Variants in NNT observed in about 807,000 individuals in gnomAD.
NNT encodes the protein NAD(P) transhydrogenase, mitochondrial.
NNT carries 50 observed loss-of-function variants against 104.8 expected under a neutral mutation model. The observed-to-expected ratio is 0.48, with a 90% CI of 0.38 to 0.60. The LOEUF (loss-of-function observed/expected upper bound fraction) is 0.60. Ranked by LOEUF, NNT falls within the 20% of genes least tolerant of loss-of-function variation. The probability of loss-of-function intolerance (pLI) is 0.00; values close to 1 mark genes in which losing one functional copy is unlikely to be tolerated. For missense variants in NNT, 1,131 were observed against 1,330.7 expected (o/e 0.85, Z 2.33); for synonymous variants, 461 against 490.4 (o/e 0.94, Z 0.79).
intron 3 of NNT, among the ~76,000 whole-genome samples, chr5:43,613,860 T>C (rs889270343): frequency 2.0e-5 from 3 of 152,138 alleles, no homozygotes; most frequent in African/African-American, 7.2e-5. Flanking sequence ...TTTTCTACAT[T>C]AATTTCTATG....
At chr5:43,680,963 A>G (rs34571724) in intron 19 of NNT, among the ~76,000 whole-genome samples, 7,423 of 152,154 alleles carry the variant, frequency 0.049, 256 homozygotes, top group East Asian at 0.2. Context: ...GGCAGAGATA[A>G]TGTTCCCATT....
intron 17 of NNT, among the ~76,000 whole-genome samples, chr5:43,674,125 A>G (rs1374195645): frequency 2.0e-5 from 3 of 152,202 alleles, no homozygotes; most frequent in Non-Finnish European, 4.4e-5. Context: ...AATCTTAGAC[A>G]AATTTGTCAG....
At chr5:43,626,874 T>C (rs972653082) in intron 6 of NNT, among the ~76,000 whole-genome samples, 2 of 151,620 alleles carry the variant, frequency 1.3e-5, no homozygotes, top group African/African-American at 4.8e-5. Flanking sequence ...TGTGTGTATA[T>C]ATATAACATA....
chr5:43,667,334 C>G lies in NNT; in HGVS notation c.2634+7984C>G. The stretch of plus-strand genomic sequence containing the variant: ...ATGTGCACAACGTGCAGGTTTGTTA[C>G]ATATGTATACATGCGCCATGTTGGT... On this transcript the variant is annotated intron_variant, in intron 17 of 21. Transcript: ENST00000344920. The G allele has an allele frequency of 1.1e-5, 6 of 565,066 alleles. No individual in the cohort carries two copies. The South Asian group carries it at 1.2e-4, about 12-fold the overall frequency. The allele number at this position is 565,066 out of a possible 1,614,324, so 35.0% of individuals were successfully genotyped here. A position where few individuals can be genotyped will look rare whatever the true frequency, so the allele number is the denominator to read the frequency against.
At chr5:43,667,546 C>T (rs1420669439) in intron 17 of NNT, among the ~76,000 whole-genome samples, 1 of 152,064 alleles carries the variant, frequency 6.6e-6, no homozygotes, top group Non-Finnish European at 1.5e-5. Flanking sequence ...CGATAGTTTG[C>T]TGAGAATGAT....
At chr5:43,671,384 G>A (rs902913093) in intron 17 of NNT, among the ~76,000 whole-genome samples, 24 of 152,176 alleles carry the variant, frequency 1.6e-4, no homozygotes, top group African/African-American at 5.3e-4. Context: ...AGCCTCGATG[G>A]TCTTTACAAT....
chr5:43,616,099 G>C, intron 4 of NNT, 34 bp downstream of exon 4: 1 of 1,540,526 alleles, frequency 6.5e-7, no homozygotes, highest in Non-Finnish European at 8.9e-7. Flanking sequence ...GAACAAAAGC[G>C]CAATAGTGCT....
At chr5:43,665,686 T>G (rs190508934) in intron 17 of NNT, among the ~76,000 whole-genome samples, 1 of 142,196 alleles carries the variant, frequency 7.0e-6, no homozygotes, top group South Asian at 2.3e-4. Context: ...CATTTCCCCC[T>G]TTTCTATTCG....
chr5:43,636,831 A>G (rs1227427592), intron 7 of NNT, among the ~76,000 whole-genome samples: 1 of 152,178 alleles, frequency 6.6e-6, no homozygotes, highest in African/African-American at 2.4e-5. Context: ...GAGGTAAATT[A>G]TTAAGTTAAT....
chr5:43,626,672 C>A (rs1750380934), intron 6 of NNT, among the ~76,000 whole-genome samples: 1 of 150,978 alleles, frequency 6.6e-6, no homozygotes, highest in South Asian at 2.1e-4. Context: ...GTGAAAATAC[C>A]TTTTATTATT....
At chr5:43,614,933 C>G (rs999299304) in intron 3 of NNT, among the ~76,000 whole-genome samples, 4 of 151,322 alleles carry the variant, frequency 2.6e-5, no homozygotes, top group African/African-American at 4.9e-5. Context: ...GTCAGGAGAT[C>G]GAGACCATCC....
chr5:43,605,711 T>C (rs1749187262), intron 1 of NNT, among the ~76,000 whole-genome samples: 1 of 152,212 alleles, frequency 6.6e-6, no homozygotes, highest in African/African-American at 2.4e-5. Flanking sequence ...TACAGGTCAA[T>C]GATAAGATAG....
intron 7 of NNT, among the ~76,000 whole-genome samples, chr5:43,641,857 T>A (rs1751259276): frequency 6.6e-6 from 1 of 152,202 alleles, no homozygotes; most frequent in South Asian, 2.1e-4. Context: ...GATGCAAACA[T>A]GTCCATGTGT....
Position 43,656,785 on chromosome 5 carries a change from G to T in NNT, c.2426G>T (p.Gly809Val), listed in dbSNP as rs1561296362. 4 of 1,613,918 alleles carry T rather than the reference G, an allele frequency of 2.5e-6. No individual in the cohort carries two copies. The highest frequency in any genetic ancestry group is 2.5e-6 in the Non-Finnish European group (3 of 1,179,968). Residue 809 changes from glycine to valine, a missense_variant, in exon 16 of 22, where the codon GGT (glycine) becomes GTT (valine). Gly to Val is a moderately radical substitution (Grantham distance 109, BLOSUM62 -3). Transcript: ENST00000344920. ...PSFTTGITCLGSVSALSAVMG... is the reference protein window; with the variant it reads ...PSFTTGITCLVSVSALSAVMG... ...TTTACTACTGGCATCACCTGTCTGG[G>T]TTCAGTGTCTGCTCTCTCTGCTGTC...
intron 19 of NNT, among the ~76,000 whole-genome samples, chr5:43,679,901 G>A (rs965559368): frequency 1.3e-5 from 2 of 151,642 alleles, no homozygotes; most frequent in African/African-American, 4.8e-5. Context: ...AATTTATTAT[G>A]TAGGATCAGA....
In NNT at chr5:43,606,726, ACT is replaced by A. The variant is rs540023190; in HGVS notation, c.-53-2414_-53-2413del. 4.8e-3 allele frequency among the ~76,000 whole-genome samples: 730 copies of A among 152,070 alleles called. 5 individuals carry two copies. The highest frequency in any genetic ancestry group is 0.016 in the African/African-American group (656 of 41,456). On this transcript the variant is annotated intron_variant, in intron 1 of 21. Transcript: ENST00000344920. ...ATCTCATTCTTTGATCCTTCAAAGG[ACT>A]CTGAGCTTGTGTTACTCTGTTACTC...
In NNT at chr5:43,644,869, G is replaced by T. The variant is rs41271079; in HGVS notation, c.1290+67G>T. 0.012 allele frequency: 15,439 copies of T among 1,326,398 alleles called. 165 individuals are homozygous for T. The highest frequency in any genetic ancestry group is 0.038 in the South Asian group (2,459 of 64,388). The allele number at this position is 1,326,398 out of a possible 1,614,324, so 82.2% of individuals were successfully genotyped here. On this transcript the variant is annotated intron_variant, in intron 9 of 21. Transcript: ENST00000344920. ...ATTTGTTTTAGAATTTCTGTTTATG[G>T]AAGAATTCTATTTTGGAATTGAGAC...
chr5:43,671,118 T>G (rs1741052293), intron 17 of NNT, among the ~76,000 whole-genome samples: 1 of 152,204 alleles, frequency 6.6e-6, no homozygotes, highest in South Asian at 2.1e-4. Context: ...CTGCTTTTTT[T>G]TGCTTTCCAT....
intron 10 of NNT, chr5:43,647,894 C>CAA (rs35773822): frequency 0.11 from 51,482 of 456,538 alleles, 4,012 homozygotes; most frequent in African/African-American, 0.29. Flanking sequence ...AAGAATTCAG[C>CAA]AGTGGGTATA....
Sources: gnomAD v4.1 joint callset for allele counts (sites outside exome capture counted in the v4.1 genomes callset) on GRCh38, gnomAD v4.1.1 for gene constraint, MANE v1.5 for transcripts, NCBI Gene and HGNC (gene_info 2026-07-23, HGNC 2026-07-21) for gene names.